The following SLC25A13 variants were observed in gnomAD, a reference collection of about 807,000 sequenced individuals.
SLC25A13 encodes electrogenic aspartate/glutamate antiporter SLC25A13, mitochondrial.
In SLC25A13, 70 loss-of-function variants were observed where a neutral mutation model predicts 85.5. The observed-to-expected ratio is 0.82, with a 90% CI of 0.68 to 1.00. SLC25A13 has a LOEUF of 1.00. Ranked by LOEUF, SLC25A13 falls within the 50% of genes least tolerant of loss-of-function variation. The probability of loss-of-function intolerance (pLI) is 0.00; values close to 1 mark genes in which losing one functional copy is unlikely to be tolerated. For synonymous variants in SLC25A13, 259 were observed against 288.7 expected, an observed-to-expected ratio of 0.90 and a Z score of 1.04; for missense variants, 765 against 819.8, an observed-to-expected ratio of 0.93 and a Z score of 0.82.
chr7:96,234,833 A>C lies in SLC25A13; in HGVS notation c.297T>G (p.Phe99Leu), dbSNP rs1796685851. The C allele has an allele frequency of 6.2e-7, 1 of 1,613,834 alleles. No homozygotes were observed. Among genetic ancestry groups the C allele is most frequent in the African/African-American group, 1.3e-5 (1 of 74,912 alleles). ...DALFMVAFQL[F>L]DKAGKGEVTF... ...TTACTTCTCCTTTGCCAGCTTTGTC[A>C]AACAGCTGAAAGGCTACCATAAACA... Residue 99 changes from phenylalanine (F) to leucine (L), a missense_variant, in exon 4 of 18, where the codon TTT becomes TTG. Transcript: ENST00000265631.
chr7:96,270,134 AAAAG>A (rs1482877590), intron 3 of SLC25A13, among the ~76,000 whole-genome samples: 1 of 152,276 alleles, frequency 6.6e-6, no homozygotes, highest in African/African-American at 2.4e-5. Flanking sequence ...TCTCAATACA[AAAAG>A]AAATAAGTAT....
rs1044823517 is a variant in SLC25A13 at position 96,201,175 on chromosome 7, T to C, written c.468+7663A>G. Among the ~76,000 whole-genome samples, 7 of 152,088 alleles carry C rather than the reference T, an allele frequency of 4.6e-5. No homozygotes were observed. The East Asian group carries it at 9.6e-4, about 21-fold the overall frequency. On this transcript the variant is annotated intron_variant, in intron 5 of 17. Transcript: ENST00000265631. ...AGAATCAACATAAAAGGCATTCACA[T>C]AGTGAAAATGAAAATACAACTGGGT...
At chr7:96,280,686 G>C (rs1727067562) in intron 2 of SLC25A13, among the ~76,000 whole-genome samples, 1 of 152,104 alleles carries the variant, frequency 6.6e-6, no homozygotes, top group Non-Finnish European at 1.5e-5. Context: ...CTATACTCCA[G>C]CCTGGGCAAC....
At chr7:96,286,152 C>T (rs1798877076) in intron 2 of SLC25A13, among the ~76,000 whole-genome samples, 1 of 151,928 alleles carries the variant, frequency 6.6e-6, no homozygotes, top group Non-Finnish European at 1.5e-5. Context: ...GGCATGGTGG[C>T]AGGCGCCTGT....
chr7:96,286,276 C>T (rs982859611), intron 2 of SLC25A13, among the ~76,000 whole-genome samples: 5 of 119,860 alleles, frequency 4.2e-5, no homozygotes, highest in Non-Finnish European at 8.9e-5. Flanking sequence ...CAGAGTAAGA[C>T]TCCATCTCAA....
At chr7:96,305,395 A>G (rs760659692) in intron 1 of SLC25A13, among the ~76,000 whole-genome samples, 1 of 152,244 alleles carries the variant, frequency 6.6e-6, no homozygotes, top group Non-Finnish European at 1.5e-5. Context: ...CCCATGGCTC[A>G]GTAGAAGGCA....
At chr7:96,149,485 T>C (rs1792936336) in intron 13 of SLC25A13, among the ~76,000 whole-genome samples, 1 of 152,198 alleles carries the variant, frequency 6.6e-6, no homozygotes, top group African/African-American at 2.4e-5. Context: ...GCAGAGTTAG[T>C]TATCACTAGG....
intron 1 of SLC25A13, among the ~76,000 whole-genome samples, chr7:96,305,207 A>C (rs1430047002): frequency 6.6e-6 from 1 of 152,254 alleles, no homozygotes; most frequent in Middle Eastern, 3.4e-3. Flanking sequence ...GCCAGAAATG[A>C]CCCCTGAGCT....
At chr7:96,169,965 AGTCCACACCT>A in intron 13 of SLC25A13, 70 bp downstream of exon 13, 1 of 1,379,222 alleles carries the variant, frequency 7.3e-7, no homozygotes, top group Non-Finnish European at 1.0e-6. Context: ...CAGAAGCCTT[AGTCCACACCT>A]GTTGACCATG....
Position 96,122,010 on chromosome 7 carries a change from C to T in SLC25A13, c.1592-13G>A, listed in dbSNP as rs747860917. On this transcript the variant is annotated splice_polypyrimidine_tract_variant and intron_variant, in intron 15 of 17. Coordinates refer to ENST00000265631, the MANE Select transcript of SLC25A13 (RefSeq NM_014251.3). ...GCTGCAGGCATACCTGCAGGAGAGACACAACACCATCTCAGTCTGGTCACA... is the reference window on the plus strand; with the variant it reads ...GCTGCAGGCATACCTGCAGGAGAGATACAACACCATCTCAGTCTGGTCACA... 8 of 1,613,956 alleles carry T rather than the reference C, an allele frequency of 5.0e-6. No individual in the cohort carries two copies. In the African/African-American group the frequency reaches 1.1e-4, roughly 22 times the overall value.
intron 3 of SLC25A13, among the ~76,000 whole-genome samples, chr7:96,253,018 C>T (rs774142996): frequency 9.9e-5 from 15 of 152,094 alleles, no homozygotes; most frequent in South Asian, 2.1e-4. Flanking sequence ...CGCTTGAACC[C>T]GGGAGGCGGA....
chr7:96,189,137 T>C (rs1794744915), intron 9 of SLC25A13, among the ~76,000 whole-genome samples, 157 bp downstream of exon 9: 1 of 152,232 alleles, frequency 6.6e-6, no homozygotes, highest in Non-Finnish European at 1.5e-5. Flanking sequence ...CTAAGCAATT[T>C]CTCTTTACAG....
At chr7:96,140,646 G>A (rs1489041373) in intron 14 of SLC25A13, among the ~76,000 whole-genome samples, 1 of 151,786 alleles carries the variant, frequency 6.6e-6, no homozygotes, top group African/African-American at 2.4e-5. Context: ...CTCGTGATCT[G>A]CCCGCATCGG....
rs925177062 is a variant in SLC25A13, at chr7:96,177,605, G to A, written c.1178-6081C>T. Among the ~76,000 whole-genome samples, 8 of 152,272 alleles carry A rather than the reference G, an allele frequency of 5.3e-5. No individual in the cohort carries two copies. The East Asian group carries it at 1.5e-3, about 29-fold the overall frequency. On this transcript the variant is annotated intron_variant, in intron 11 of 17. Coordinates refer to ENST00000265631, the MANE Select transcript of SLC25A13 (RefSeq NM_014251.3). ...ATAATCATGATGCCATTTTCACGGG[G>A]TAGTCGTGAAGATGAAATGAGTTAA...
chr7:96,189,676 TGTATGGAAGAAAAGTTAAAAGG>T lies in SLC25A13; in HGVS notation c.755-24_755-3del, dbSNP rs746604745. ...TCTGAGCTGCCAGAACAAACTCCTC[TGTATGGAAGAAAAGTTAAAAGG>T]GAAAGATTCAAGAAGAAATAGCCAC... On this transcript the variant is annotated splice_polypyrimidine_tract_variant and splice_region_variant and intron_variant, in intron 7 of 17. Coordinates refer to ENST00000265631, the MANE Select transcript of SLC25A13 (RefSeq NM_014251.3). 53 of 1,612,676 alleles carry T rather than the reference TGTATGGAAGAAAAGTTAAAAGG, an allele frequency of 3.3e-5. No individual in the cohort carries two copies. Among genetic ancestry groups the T allele is most frequent in the Non-Finnish European group, 4.4e-5 (52 of 1,179,014 alleles).
intron 4 of SLC25A13, among the ~76,000 whole-genome samples, chr7:96,215,997 A>C (rs1387671747): frequency 6.6e-6 from 1 of 151,964 alleles, no homozygotes; most frequent in African/African-American, 2.4e-5. Flanking sequence ...TCTACTAAAA[A>C]TACAAAAATT....
chr7:96,209,353 TACACACACACAC>T (rs59571646), intron 4 of SLC25A13, among the ~76,000 whole-genome samples: 7 of 145,444 alleles, frequency 4.8e-5, no homozygotes, highest in Non-Finnish European at 9.0e-5. Context: ...GGAAAACACA[TACACACACACAC>T]ACACACACAC....
intron 1 of SLC25A13, among the ~76,000 whole-genome samples, chr7:96,299,877 G>A (rs1358420251): frequency 6.6e-6 from 1 of 152,146 alleles, no homozygotes; most frequent in Non-Finnish European, 1.5e-5. Flanking sequence ...GTAGGCAACT[G>A]TAAAACAAGT....
intron 1 of SLC25A13, among the ~76,000 whole-genome samples, chr7:96,316,459 C>T (rs1222315700): frequency 2.0e-5 from 3 of 152,110 alleles, no homozygotes; most frequent in African/African-American, 4.8e-5. Flanking sequence ...CATCCATACC[C>T]GATGGCATGT....
Sources: allele counts gnomAD v4.1 joint callset (sites outside exome capture counted in the v4.1 genomes callset), GRCh38; gene constraint gnomAD v4.1.1; transcripts MANE v1.5; gene names NCBI Gene and HGNC (gene_info 2026-07-23, HGNC 2026-07-21).